The following MAP2K5 variants were observed in gnomAD, a reference collection of about 807,000 sequenced individuals.
The protein encoded by MAP2K5 is dual specificity mitogen-activated protein kinase kinase 5.
A neutral mutation model predicts 83.1 loss-of-function variants in MAP2K5; 49 were observed. That is an observed-to-expected ratio of 0.59 (90% confidence interval 0.47 to 0.75). The LOEUF is 0.75. Among genes scored for constraint, MAP2K5 ranks in the 30% least tolerant of loss-of-function variants. The pLI is 0.00. For synonymous variants in MAP2K5, 202 were observed against 191.8 expected (o/e 1.05, Z -0.44); for missense variants, 457 against 557.5 (o/e 0.82, Z 1.82).
chr15:67,784,122 A>C (rs1004289247), intron 21 of MAP2K5, among the ~76,000 whole-genome samples: 3 of 152,236 alleles, frequency 2.0e-5, no homozygotes, highest in African/African-American at 7.2e-5. Context: ...TCTTTCATCT[A>C]AGTTATCTCA....
rs1435953463 is a variant in MAP2K5 at position 67,593,043 on chromosome 15, A to G, written c.480+69A>G. 8 of 996,988 alleles carry G rather than the reference A, an allele frequency of 8.0e-6. No homozygotes were observed. The East Asian group carries it at 2.1e-4, about 26-fold the overall frequency. The allele number at this position is 996,988 out of a possible 1,614,324, so 61.8% of individuals were successfully genotyped here. On this transcript the variant is annotated intron_variant, in intron 7 of 21. Coordinates refer to ENST00000178640, the MANE Select transcript of MAP2K5 (RefSeq NM_145160.3). ...ATTACCGTCCAGTTTTTGTATCCAT[A>G]AGCTTATTAAACAGATAAAGAGTCT...
chr15:67,590,533 A>G (rs1419523940), intron 6 of MAP2K5, among the ~76,000 whole-genome samples: 3 of 146,500 alleles, frequency 2.0e-5, no homozygotes, highest in Non-Finnish European at 4.5e-5. Flanking sequence ...TGGAGTGCAC[A>G]ATTACGGGTC....
chr15:67,549,426 G>T (rs544260800), intron 1 of MAP2K5, among the ~76,000 whole-genome samples: 3 of 152,278 alleles, frequency 2.0e-5, no homozygotes, highest in African/African-American at 7.2e-5. Flanking sequence ...GTGGCATAAT[G>T]GGTTTATATC....
Position 67,724,780 on chromosome 15 carries a change from G to T in MAP2K5, c.1045-3136G>T, listed in dbSNP as rs1231689989. ...ATAGAAGGCAGCGGTCCTCTCCTGG[G>T]GCCTTAAAATGACTGCTTTCAGTGC... On this transcript the variant is annotated intron_variant, in intron 16 of 21. Coordinates refer to ENST00000178640, the MANE Select transcript of MAP2K5 (RefSeq NM_145160.3). The surrounding 1 kb of genome is among the most constrained non-coding windows in gnomAD (Gnocchi z 4.4). Among the ~76,000 whole-genome samples, 2 of 152,146 alleles carry T rather than the reference G, an allele frequency of 1.3e-5. No individual in the cohort carries two copies. Among genetic ancestry groups the T allele is most frequent in the Admixed American group, 1.3e-4 (2 of 15,280 alleles).
chr15:67,737,529 G>A (rs2141258854), intron 17 of MAP2K5, among the ~76,000 whole-genome samples: 1 of 152,096 alleles, frequency 6.6e-6, no homozygotes. Flanking sequence ...CCTCTTCAGT[G>A]CCAATAAAAC....
rs2088457737 is a variant in MAP2K5, at chr15:67,702,927, A to C, written c.973-410A>C. ...AGACCAATCTATCAAAATGCAAATA[A>C]GTGATAATATCATATAATGTTGTGT... is the stretch of plus-strand genomic sequence containing the variant. On this transcript the variant is annotated intron_variant, in intron 15 of 21. Transcript: ENST00000178640. This position sits in a 1 kb window ranked among gnomAD's most constrained non-coding sequence, Gnocchi z 4.6. Among the ~76,000 whole-genome samples, 1 of 152,236 alleles carries C rather than the reference A, an allele frequency of 6.6e-6. No homozygotes were observed. The highest frequency in any genetic ancestry group is 1.5e-5 in the Non-Finnish European group (1 of 68,038).
intron 3 of MAP2K5, 148 bp from the exon 4 acceptor site, chr15:67,580,606 T>G: frequency 1.6e-6 from 1 of 618,958 alleles, no homozygotes; most frequent in Non-Finnish European, 2.9e-6. Context: ...CTATAGTCAT[T>G]TTGATGTGCC....
At chr15:67,672,851 A>G (rs2087578877) in intron 13 of MAP2K5, among the ~76,000 whole-genome samples, 1 of 151,336 alleles carries the variant, frequency 6.6e-6, no homozygotes, top group Non-Finnish European at 1.5e-5. Context: ...AGGTGTAAGG[A>G]AGGGATCCAG....
chr15:67,670,411 G>C, intron 13 of MAP2K5: 2 of 455,606 alleles, frequency 4.4e-6, no homozygotes. Context: ...GGTTATATGT[G>C]TTTTTTAGCA....
chr15:67,713,178 G>GA (rs1468788348), intron 16 of MAP2K5, among the ~76,000 whole-genome samples: 2 of 151,836 alleles, frequency 1.3e-5, no homozygotes, highest in Non-Finnish European at 2.9e-5. Flanking sequence ...TTTTTTCTCA[G>GA]AAAAAGTGAG....
At chr15:67,673,905 G>A (rs533202540) in intron 13 of MAP2K5, among the ~76,000 whole-genome samples, 1 of 152,206 alleles carries the variant, frequency 6.6e-6, no homozygotes, top group African/African-American at 2.4e-5. Flanking sequence ...CTGGAGTGCA[G>A]TGGCACAATC....
In MAP2K5 at chr15:67,724,846, T is replaced by A. The variant is rs1372455584; in HGVS notation, c.1045-3070T>A. ...CTTGCCAGTTTTCACTGGCATAGAT[T>A]CCCAAGTCTTTCAACAGCCCAGTGG... On this transcript the variant is annotated intron_variant, in intron 16 of 21. Transcript: ENST00000178640. This position sits in a 1 kb window ranked among gnomAD's most constrained non-coding sequence, Gnocchi z 4.4. 1.3e-5 allele frequency among the ~76,000 whole-genome samples: 2 copies of A among 152,230 alleles called. No individual in the cohort carries two copies. Among genetic ancestry groups the A allele is most frequent in the East Asian group, 1.9e-4 (1 of 5,198 alleles).
chr15:67,564,075 G>T (rs1301659568), intron 3 of MAP2K5, among the ~76,000 whole-genome samples: 1 of 152,176 alleles, frequency 6.6e-6, no homozygotes, highest in East Asian at 1.9e-4. Context: ...TTATATCTGA[G>T]TCTGTAATCT....
At chr15:67,694,584 G>A (rs2088199004) in intron 15 of MAP2K5, among the ~76,000 whole-genome samples, 1 of 152,070 alleles carries the variant, frequency 6.6e-6, no homozygotes, top group African/African-American at 2.4e-5. Flanking sequence ...AGTTAGAATG[G>A]CGATCATTAA....
intron 17 of MAP2K5, among the ~76,000 whole-genome samples, chr15:67,742,159 G>A (rs2141266106): frequency 6.6e-6 from 1 of 152,330 alleles, no homozygotes; most frequent in Non-Finnish European, 1.5e-5. Flanking sequence ...CCAAAGTGCT[G>A]GGATTGCAGG....
At position 67,790,029 on chromosome 15, in the gene MAP2K5, T is replaced by G. The variant is rs933150267; in HGVS notation, c.1243-16617T>G. The stretch of plus-strand genomic sequence containing the variant: ...TGACCTTGTCAAGCAACATTGAGGT[T>G]GAATAGCCAATAGCTGGGGGTAAAC... On this transcript the variant is annotated intron_variant, in intron 21 of 21. Coordinates refer to ENST00000178640, the MANE Select transcript of MAP2K5 (RefSeq NM_145160.3). This position sits in a 1 kb window ranked among gnomAD's most constrained non-coding sequence, Gnocchi z 4.6. Among the ~76,000 whole-genome samples the G allele has an allele frequency of 4.6e-5, 7 of 152,168 alleles. No homozygotes were observed. Among genetic ancestry groups the G allele is most frequent in the Non-Finnish European group, 1.0e-4 (7 of 68,020 alleles).
Position 67,708,790 on chromosome 15 carries a change from A to G in MAP2K5, c.1044+5382A>G, listed in dbSNP as rs2088620754. Among the ~76,000 whole-genome samples the G allele has an allele frequency of 6.6e-6, 1 of 152,210 alleles. No homozygotes were observed. The highest frequency in any genetic ancestry group is 1.5e-5 in the Non-Finnish European group (1 of 68,028). On this transcript the variant is annotated intron_variant, in intron 16 of 21. Coordinates refer to ENST00000178640, the MANE Select transcript of MAP2K5 (RefSeq NM_145160.3). This position sits in a 1 kb window ranked among gnomAD's most constrained non-coding sequence, Gnocchi z 4.9. ...ATAAAAGATGATGCTACATGCTGCT[A>G]AAATGTGCCATTAAAAAAAAAAACT... is the stretch of plus-strand genomic sequence containing the variant.
At chr15:67,696,735 T>C (rs560188810) in intron 15 of MAP2K5, among the ~76,000 whole-genome samples, 46 of 152,264 alleles carry the variant, frequency 3.0e-4, no homozygotes, top group South Asian at 1.0e-3. Context: ...CCCAGCACTT[T>C]GGGAGGCCAA....
chr15:67,710,497 G>GTTTTTTTTTTTTTTTTTTTTTTTTT (rs10609519), intron 16 of MAP2K5, among the ~76,000 whole-genome samples: 1 of 81,010 alleles, frequency 1.2e-5, no homozygotes, highest in Non-Finnish European at 2.4e-5. Context: ...ATCTTCTGAA[G>GTTTTTTTTTTTTTTTTTTTTTTTTT]TTTTTTTTTT....
Sources: allele counts gnomAD v4.1 joint callset (sites outside exome capture counted in the v4.1 genomes callset), GRCh38; gene constraint gnomAD v4.1.1; non-coding constraint Gnocchi (gnomAD v3.1); transcripts MANE v1.5; gene names NCBI Gene and HGNC (gene_info 2026-07-23, HGNC 2026-07-21).